ETV4: variants seen among roughly 807,000 people sequenced by gnomAD.
ETV4 encodes ETS translocation variant 4.
A neutral mutation model predicts 65.9 loss-of-function variants in ETV4; 42 were observed. The observed-to-expected ratio is 0.64, with a 90% CI of 0.50 to 0.82. ETV4 has a LOEUF of 0.82. Among genes scored for constraint, ETV4 ranks in the 40% least tolerant of loss-of-function variants. The pLI is 0.00. For missense variants in ETV4, 583 were observed against 630.3 expected, an observed-to-expected ratio of 0.92 and a Z score of 0.80; for synonymous variants, 238 against 260.0, an observed-to-expected ratio of 0.92 and a Z score of 0.81.
chr17:43,528,443 G>A lies in ETV4; in HGVS notation c.*76C>T, dbSNP rs1215898641. The stretch of plus-strand genomic sequence containing the variant: ...AGACATCTGTGGGTTTCAGATGAAG[G>A]TTTCCCCAACACCAGATTCATTTAT... On this transcript the variant is annotated 3_prime_UTR_variant, in exon 13 of 13. Transcript: ENST00000319349. 2.9e-6 allele frequency: 3 copies of A among 1,044,196 alleles called. No homozygotes were observed. The Admixed American group carries it at 8.0e-5, about 28-fold the overall frequency. 64.7% of individuals were successfully genotyped at this position (1,044,196 alleles called of 1,614,324 possible).
In ETV4 at chr17:43,539,111, C is replaced by A. The variant is rs114345603; in HGVS notation, c.203-2632G>T. Among the ~76,000 whole-genome samples, 762 of 152,310 alleles carry A rather than the reference C, an allele frequency of 5.0e-3. 4 individuals are homozygous for A. Among genetic ancestry groups the A allele is most frequent in the African/African-American group, 0.018 (740 of 41,544 alleles). ...AGGTGTCACAGTGATCTTTTTACAA[C>A]AGAAATAAAATCATTTCTCTCTGTT... On this transcript the variant is annotated intron_variant, in intron 4 of 12. Coordinates refer to ENST00000319349, the MANE Select transcript of ETV4 (RefSeq NM_001079675.5).
rs137969667 is a variant in ETV4 at position 43,530,116 on chromosome 17, C to A, written c.877G>T (p.Gly293Trp). ...AGGGGGGCTGCCTTACCCATGGCCC[C>A]GTCACCTGGAGAGGGCCCAGAGAAG... ...EGFSGPSPGD[G>W]AMGYGYEKPL... is the part of the protein sequence containing the mutation. Residue 293 changes from glycine to tryptophan, a missense_variant, in exon 9 of 13, where the codon GGG (glycine) becomes TGG (tryptophan). Transcript: ENST00000319349. 1.0e-5 allele frequency: 16 copies of A among 1,584,894 alleles called. No homozygotes were observed. Among genetic ancestry groups the A allele is most frequent in the Middle Eastern group, 3.3e-4 (2 of 6,030 alleles).
At chr17:43,531,577 A>C (rs1970938334) in intron 8 of ETV4, among the ~76,000 whole-genome samples, 1 of 152,156 alleles carries the variant, frequency 6.6e-6, no homozygotes, top group African/African-American at 2.4e-5. Context: ...GGTGATGGGC[A>C]CCTGTAACCC....
chr17:43,543,836 GT>G (rs1229532669), intron 4 of ETV4: 2 of 152,090 alleles, frequency 1.3e-5, no homozygotes, highest in Non-Finnish European at 2.9e-5. Context: ...TAGTCATTCT[GT>G]CAACATATAT....
In ETV4 at chr17:43,545,194, C is replaced by CGTGTGTGTGTGT. The variant is rs34640745; in HGVS notation, c.154+68_154+79dup. ...AACAGGCGGGGGTTCCAGAATCGGC[C>CGTGTGTGTGTGT]GTGTGTGTGTGTGTGTGTGTGTGTG... On this transcript the variant is annotated intron_variant, in intron 3 of 12. Transcript: ENST00000319349. 4.7e-3 allele frequency: 3,016 copies of CGTGTGTGTGTGT among 635,780 alleles called. 15 individuals carry two copies. The highest frequency in any genetic ancestry group is 0.017 in the African/African-American group (761 of 45,368). The allele number at this position is 635,780 out of a possible 1,614,324, so 39.4% of individuals were successfully genotyped here. A position where few individuals can be genotyped will look rare whatever the true frequency, so the allele number is the denominator to read the frequency against.
chr17:43,528,503 GAAC>G lies in ETV4; in HGVS notation c.*13_*15del, dbSNP rs1567704138. Reference sequence around the variant, plus strand: ...GGGCAGCACCCACCTGCGGCAGGGGGAACAGCCGCTGGGGGCTAGTAAGAGTAG... The same window carrying G: ...GGGCAGCACCCACCTGCGGCAGGGGGAGCCGCTGGGGGCTAGTAAGAGTAG... On this transcript the variant is annotated 3_prime_UTR_variant, in exon 13 of 13. Transcript: ENST00000319349. The G allele has an allele frequency of 6.4e-7, 1 of 1,555,510 alleles. No homozygotes were observed. The highest frequency in any genetic ancestry group is 1.8e-5 in the Admixed American group (1 of 56,460).
intron 4 of ETV4, among the ~76,000 whole-genome samples, chr17:43,541,424 A>T (rs1971515692): frequency 6.6e-6 from 1 of 152,168 alleles, no homozygotes; most frequent in South Asian, 2.1e-4. Flanking sequence ...GATGGAGTTT[A>T]TCTGTCTGGG....
At position 43,529,957 on chromosome 17, in the gene ETV4, T is replaced by C. The variant is rs369070185; in HGVS notation, c.887-5A>G. 1.7e-5 allele frequency: 28 copies of C among 1,613,922 alleles called. No homozygotes were observed. The highest frequency in any genetic ancestry group is 2.3e-5 in the Non-Finnish European group (27 of 1,180,012). The stretch of plus-strand genomic sequence containing the variant: ...GAGGTTTCTCATAGCCATAGCCTTG[T>C]GGAGGAAATTGGGGGTTGCTCAGAT... On this transcript the variant is annotated splice_region_variant and splice_polypyrimidine_tract_variant and intron_variant, in intron 9 of 12. Transcript: ENST00000319349.
intron 8 of ETV4, chr17:43,530,542 A>G (rs973273254): frequency 2.6e-6 from 2 of 784,036 alleles, no homozygotes; most frequent in African/African-American, 1.8e-5. Context: ...GTCCACGCCT[A>G]AGACTCCCTC....
intron 8 of ETV4, 148 bp downstream of exon 8, chr17:43,532,526 A>C (rs915937064): frequency 6.6e-6 from 5 of 761,734 alleles, no homozygotes; most frequent in Non-Finnish European, 8.3e-6. Flanking sequence ...AAGAAAAATA[A>C]CATTCTTTTG....
chr17:43,541,040 C>T, intron 4 of ETV4, among the ~76,000 whole-genome samples: 1 of 152,146 alleles, frequency 6.6e-6, no homozygotes, highest in African/African-American at 2.4e-5. Context: ...CTGCCTCGGG[C>T]CTGACAGTTT....
At chr17:43,533,099 C>T in intron 7 of ETV4, 88 bp downstream of exon 7, 2 of 1,541,140 alleles carry the variant, frequency 1.3e-6, no homozygotes, top group Non-Finnish European at 1.8e-6. Flanking sequence ...CTGCCTCTAC[C>T]ACCCCACAGC....
At chr17:43,538,334 G>A (rs1458454781) in intron 4 of ETV4, among the ~76,000 whole-genome samples, 1 of 152,058 alleles carries the variant, frequency 6.6e-6, no homozygotes, top group African/African-American at 2.4e-5. Context: ...TAAAAAAGGA[G>A]GATGACAGTG....
chr17:43,530,256 C>G (rs978512140), intron 8 of ETV4, 75 bp from the exon 9 acceptor site: 17 of 1,540,660 alleles, frequency 1.1e-5, no homozygotes, highest in Non-Finnish European at 1.3e-5. Context: ...GAAGTCCTAT[C>G]CACATTCAAG....
chr17:43,536,234 T>TCA, intron 5 of ETV4, 192 bp downstream of exon 5: 3 of 642,860 alleles, frequency 4.7e-6, no homozygotes, highest in Non-Finnish European at 8.4e-6. Context: ...TGCTCTAAGG[T>TCA]CACACAGCAA....
In ETV4 at chr17:43,529,758, G is replaced by A. The variant is rs1474552466; in HGVS notation, c.956-82C>T. 8.8e-6 allele frequency: 14 copies of A among 1,589,890 alleles called. No individual in the cohort carries two copies. In the African/African-American group the frequency reaches 9.4e-5, roughly 11 times the overall value. On this transcript the variant is annotated intron_variant, in intron 10 of 12. Coordinates refer to ENST00000319349, the MANE Select transcript of ETV4 (RefSeq NM_001079675.5). ...CCGCCTCCCACCCGAGGGATTTCTC[G>A]AAGGGGTCTCCCCAGGTACTTTTCT...
chr17:43,528,495 G>C lies in ETV4; in HGVS notation c.*24C>G. ...TGTACACAGGGCAGCACCCACCTGC[G>C]GCAGGGGGAACAGCCGCTGGGGGCT... On this transcript the variant is annotated 3_prime_UTR_variant, in exon 13 of 13. Coordinates refer to ENST00000319349, the MANE Select transcript of ETV4 (RefSeq NM_001079675.5). 2.0e-6 allele frequency: 3 copies of C among 1,521,998 alleles called. No homozygotes were observed. Among genetic ancestry groups the C allele is most frequent in the Non-Finnish European group, 2.7e-6 (3 of 1,110,206 alleles). The allele number at this position is 1,521,998 out of a possible 1,614,324, so 94.3% of individuals were successfully genotyped here.
At chr17:43,534,052 TACCTTCTG>T in intron 5 of ETV4, 67 bp from the exon 6 acceptor site, 1 of 1,419,080 alleles carries the variant, frequency 7.0e-7, no homozygotes, top group Non-Finnish European at 9.1e-7. Flanking sequence ...GGGCTTCTGA[TACCTTCTG>T]AGCTTTGAGG....
Position 43,528,666 on chromosome 17 carries a change from C to T in ETV4, c.1308G>A (p.Gln436=). 6.2e-7 allele frequency: 1 copy of T among 1,614,180 alleles called. No homozygotes were observed. Among genetic ancestry groups the T allele is most frequent in the South Asian group, 1.1e-5 (1 of 91,082 alleles). ...CAAACTCAGCCTTGAGAGCTGGACG[C>T]TGATTGTCCGGGAAGGCCAAAGAGA... The part of the protein sequence containing the change: ...ALFSLAFPDN[Q]RPALKAEFDR... The change falls in exon 13 of 13, where the codon CAG becomes CAA. Residue 436 remains glutamine (Q), a synonymous_variant. Coordinates refer to ENST00000319349, the MANE Select transcript of ETV4 (RefSeq NM_001079675.5).
Sources: gnomAD v4.1 joint callset for allele counts (sites outside exome capture counted in the v4.1 genomes callset) on GRCh38, gnomAD v4.1.1 for gene constraint, MANE v1.5 for transcripts, NCBI Gene and HGNC (gene_info 2026-07-23, HGNC 2026-07-21) for gene names.